Variants in LMNA observed in about 807,000 individuals in gnomAD.
LMNA encodes the protein lamin A/C.
Under a neutral mutation model 70.4 loss-of-function variants are expected in LMNA, and 20 were observed. The ratio of observed to expected loss-of-function variants is 0.28; its 90% confidence interval spans 0.20 to 0.41. The LOEUF is 0.41. Ranked by LOEUF, LMNA falls within the 10% of genes least tolerant of loss-of-function variation. LMNA has a pLI of 1.00. For missense variants in LMNA, 652 were observed against 917.2 expected (o/e 0.71, Z 3.73); for synonymous variants, 339 against 372.8 (o/e 0.91, Z 1.04).
At chr1:156,085,301 G>A (rs76909024) in intron 2 of LMNA, among the ~76,000 whole-genome samples, 12 of 152,286 alleles carry the variant, frequency 7.9e-5, no homozygotes, top group Non-Finnish European at 1.6e-4. Flanking sequence ...CGAATCCTTC[G>A]CTCTCTCCCG....
At chr1:156,117,079 ATTTT>A (rs150049994) in intron 1 of LMNA, among the ~76,000 whole-genome samples, 4 of 112,666 alleles carry the variant, frequency 3.6e-5, no homozygotes, top group African/African-American at 6.7e-5. Context: ...ACACATGGCT[ATTTT>A]TTTTTTTTTT....
chr1:156,139,235 CTTCTGTATTTTTTT>C lies in LMNA; in HGVS notation c.*134_*147del. ...AGAAAAATAACCCTTTGGTTTTTTT[CTTCTGTATTTTTTT>C]TTCTAAGAGAAGTTATTTTCTACAG... On this transcript the variant is annotated 3_prime_UTR_variant, in exon 12 of 12. Transcript: ENST00000368300. The C allele has an allele frequency of 1.4e-6, 2 of 1,479,908 alleles. No individual in the cohort carries two copies. The highest frequency in any genetic ancestry group is 2.6e-5 in the South Asian group (2 of 76,250). 91.7% of individuals were successfully genotyped at this position (1,479,908 alleles called of 1,614,324 possible).
At chr1:156,126,130 C>T in intron 1 of LMNA, 1 of 1,499,174 alleles carries the variant, frequency 6.7e-7, no homozygotes. Context: ...GGGCGATGTT[C>T]CTGGGAGACA....
chr1:156,117,969 A>ATTTTTTTTTTTTTTTTT (rs1186679791), intron 1 of LMNA, among the ~76,000 whole-genome samples: 3 of 91,906 alleles, frequency 3.3e-5, no homozygotes, highest in Admixed American at 1.4e-4. Flanking sequence ...CGCTTGGCTA[A>ATTTTTTTTTTTTTTTTT]TTTTTTTTTT....
At position 156,126,615 on chromosome 1, in the gene LMNA, G is replaced by C. The variant is rs1408014081; in HGVS notation, c.357-4002G>C. 4 of 1,008,196 alleles carry C rather than the reference G, an allele frequency of 4.0e-6. No homozygotes were observed. The African/African-American group carries it at 6.3e-5, about 16-fold the overall frequency. 62.5% of individuals were successfully genotyped at this position (1,008,196 alleles called of 1,614,324 possible). Reference sequence around the variant, plus strand: ...GGAGCCGGACTTCCTTGTCCCACCAGGCACAGCTCTTCAGACCCCTGCCTT... The same window carrying C: ...GGAGCCGGACTTCCTTGTCCCACCACGCACAGCTCTTCAGACCCCTGCCTT... On this transcript the variant is annotated intron_variant, in intron 1 of 11. Transcript: ENST00000368300.
intron 1 of LMNA, chr1:156,126,920 G>A (rs751596721): frequency 1.3e-6 from 2 of 1,593,452 alleles, no homozygotes; most frequent in Middle Eastern, 1.7e-4. Flanking sequence ...TCCCCTGTGA[G>A]CACTAGAGGA....
intron 1 of LMNA, chr1:156,129,968 C>A: frequency 1.4e-6 from 1 of 721,484 alleles, no homozygotes; most frequent in East Asian, 2.6e-5. Flanking sequence ...GCAGGGACCC[C>A]TCTGTTCAGT....
intron 3 of LMNA, among the ~76,000 whole-genome samples, chr1:156,092,696 T>A (rs1648753196): frequency 6.8e-6 from 1 of 147,042 alleles, no homozygotes; most frequent in Admixed American, 6.8e-5. Context: ...AAAAAAAAAA[T>A]GTGATCATGA....
At chr1:156,091,717 C>T (rs1648710187) in intron 3 of LMNA, among the ~76,000 whole-genome samples, 2 of 152,128 alleles carry the variant, frequency 1.3e-5, no homozygotes, top group African/African-American at 4.8e-5. Flanking sequence ...TAGACAAGGT[C>T]CCTACTTGCA....
chr1:156,127,959 T>G (rs367960816), intron 1 of LMNA, among the ~76,000 whole-genome samples: 1 of 152,080 alleles, frequency 6.6e-6, no homozygotes, highest in Non-Finnish European at 1.5e-5. Flanking sequence ...GTGCTGGGAT[T>G]ACAGGTGTGA....
intron 1 of LMNA, chr1:156,129,808 T>C (rs751645823): frequency 1.9e-5 from 14 of 752,482 alleles, no homozygotes; most frequent in Non-Finnish European, 3.2e-5. Context: ...GCTAAAGCTT[T>C]ACCCACTTTG....
rs1366035491 is a variant in LMNA, at chr1:156,115,070, C to T, written c.152C>T (p.Ser51Leu). The T allele has an allele frequency of 5.6e-6, 9 of 1,593,910 alleles. No homozygotes were observed. Among genetic ancestry groups the T allele is most frequent in the Non-Finnish European group, 7.7e-6 (9 of 1,170,390 alleles). The stretch of plus-strand genomic sequence containing the variant: ...GCGGTCTACATCGACCGTGTGCGCT[C>T]GCTGGAAACGGAGAACGCAGGGCTG... ...RLAVYIDRVRSLETENAGLRL... is the reference protein window; with the variant it reads ...RLAVYIDRVRLLETENAGLRL... Residue 51 changes from serine to leucine, a missense_variant, in exon 1 of 12, where the codon TCG becomes TTG. Coordinates refer to ENST00000368300, the MANE Select transcript of LMNA (RefSeq NM_170707.4). This position sits in a 1 kb window ranked among gnomAD's most constrained non-coding sequence, Gnocchi z 5.8.
Position 156,134,751 on chromosome 1 carries a change from TC to T in LMNA, c.640-51del. On this transcript the variant is annotated intron_variant, in intron 3 of 11. Transcript: ENST00000368300. The surrounding 1 kb of genome is among the most constrained non-coding windows in gnomAD (Gnocchi z 5.3). ...GGAGCCCCGCCCCTGGGTCTTGGCC[TC>T]CCAGGAACTAATTCTGATTTTGGTT... 6.2e-7 allele frequency: 1 copy of T among 1,611,110 alleles called. No homozygotes were observed. Among genetic ancestry groups the T allele is most frequent in the Non-Finnish European group, 8.5e-7 (1 of 1,177,558 alleles).
intron 2 of LMNA, among the ~76,000 whole-genome samples, chr1:156,088,824 T>C (rs920712439): frequency 2.6e-5 from 4 of 152,132 alleles, no homozygotes; most frequent in East Asian, 3.8e-4. Flanking sequence ...TACTTGTTTT[T>C]GTTATTTTTA....
At chr1:156,096,193 A>T (rs1249650983) in intron 3 of LMNA, among the ~76,000 whole-genome samples, 2 of 151,940 alleles carry the variant, frequency 1.3e-5, no homozygotes, top group South Asian at 2.1e-4. Context: ...TCCTCTGTCT[A>T]CACAGCCAGG....
At chr1:156,124,950 G>A (rs965470727) in intron 1 of LMNA, among the ~76,000 whole-genome samples, 2 of 152,092 alleles carry the variant, frequency 1.3e-5, no homozygotes, top group African/African-American at 2.4e-5. Context: ...TGTGTGTATC[G>A]TGCCATTTTC....
chr1:156,126,327 C>T (rs975700915), intron 1 of LMNA: 4 of 896,442 alleles, frequency 4.5e-6, no homozygotes, highest in East Asian at 2.7e-5. Flanking sequence ...TTTTTAGCTA[C>T]AGTGTCTGTC....
chr1:156,086,794 A>C (rs1033751931), intron 2 of LMNA, among the ~76,000 whole-genome samples: 3 of 151,562 alleles, frequency 2.0e-5, no homozygotes, highest in African/African-American at 7.3e-5. Context: ...ATGCACCACC[A>C]CTCCTGGCTA....
chr1:156,093,011 C>T (rs1038814923), intron 3 of LMNA, among the ~76,000 whole-genome samples: 2 of 151,660 alleles, frequency 1.3e-5, no homozygotes, highest in Admixed American at 1.3e-4. Context: ...GCCTCAGCCT[C>T]CCAAGTAGCT....
Sources: gnomAD v4.1 joint callset for allele counts (sites outside exome capture counted in the v4.1 genomes callset) on GRCh38, gnomAD v4.1.1 for gene constraint, Gnocchi (gnomAD v3.1) non-coding constraint, MANE v1.5 for transcripts, NCBI Gene and HGNC (gene_info 2026-07-23, HGNC 2026-07-21) for gene names.